Variants in LUZP2 observed in about 807,000 individuals in gnomAD.
LUZP2 encodes leucine zipper protein 2.
In LUZP2, 52 loss-of-function variants were observed where a neutral mutation model predicts 51.6. The ratio of observed to expected loss-of-function variants is 1.01; its 90% CI spans 0.81 to 1.27. The LOEUF is 1.27. Ranked by LOEUF, LUZP2 falls within the 50% of genes most tolerant of loss-of-function variation. The pLI, the probability that LUZP2 is intolerant of heterozygous loss-of-function variation, is 0.00. For synonymous variants in LUZP2, 154 were observed against 137.3 expected (o/e 1.12, Z -0.85); for missense variants, 436 against 395.4 (o/e 1.10, Z -0.87).
intron 1 of LUZP2, among the ~76,000 whole-genome samples, chr11:24,511,024 C>T (rs1850293343): frequency 6.6e-6 from 1 of 152,128 alleles, no homozygotes. Flanking sequence ...TCCCCATTTG[C>T]TAGTCTTAGT....
At chr11:24,568,472 C>A (rs1025398951) in intron 1 of LUZP2, among the ~76,000 whole-genome samples, 1 of 151,266 alleles carries the variant, frequency 6.6e-6, no homozygotes, top group Non-Finnish European at 1.5e-5. Context: ...AAAAATTAAT[C>A]TATTAGGCAG....
At chr11:24,734,864 G>A (rs1177261071) in intron 3 of LUZP2, among the ~76,000 whole-genome samples, 4 of 151,582 alleles carry the variant, frequency 2.6e-5, no homozygotes, top group South Asian at 2.1e-4. Context: ...TCACATCCCT[G>A]GCTCTCAATT....
At chr11:24,873,456 C>A (rs116130551) in intron 5 of LUZP2, among the ~76,000 whole-genome samples, 35 of 152,248 alleles carry the variant, frequency 2.3e-4, no homozygotes, top group African/African-American at 7.5e-4. Context: ...ATATGAAAAG[C>A]CTTGCTCAGT....
rs187301091 is a variant in LUZP2, at chr11:24,721,993, G to A, written c.63-7176G>A. Among the ~76,000 whole-genome samples the A allele has an allele frequency of 7.9e-5, 12 of 152,064 alleles. No individual in the cohort carries two copies. In the East Asian group the frequency reaches 2.1e-3, roughly 27 times the overall value. ...ATATAGAAACTGACATCTTTTTATT[G>A]AAAAAATTTATTTATAAAAAATGGC... is the stretch of plus-strand genomic sequence containing the variant. On this transcript the variant is annotated intron_variant, in intron 1 of 11. Coordinates refer to ENST00000336930, the MANE Select transcript of LUZP2 (RefSeq NM_001009909.4).
chr11:24,977,092 ATTTAC>A (rs2133905479), intron 8 of LUZP2, among the ~76,000 whole-genome samples: 1 of 151,884 alleles, frequency 6.6e-6, no homozygotes, highest in East Asian at 1.9e-4. Flanking sequence ...ACTTATCTAT[ATTTAC>A]TTAGAAACAT....
intron 9 of LUZP2, among the ~76,000 whole-genome samples, chr11:25,038,897 G>C (rs10834587): frequency 0.38 from 57,767 of 152,034 alleles, 13,337 homozygotes; most frequent in East Asian, 0.77. Context: ...GGTTTTGCAG[G>C]GGGTAGAATT....
intron 7 of LUZP2, among the ~76,000 whole-genome samples, chr11:24,953,756 A>G (rs1465461414): frequency 1.3e-5 from 2 of 152,022 alleles, no homozygotes; most frequent in Non-Finnish European, 2.9e-5. Context: ...TTCACTTGCT[A>G]ATTTGTTCAT....
chr11:24,808,190 G>C (rs12289355), intron 5 of LUZP2, among the ~76,000 whole-genome samples: 1 of 152,150 alleles, frequency 6.6e-6, no homozygotes, highest in Non-Finnish European at 1.5e-5. Flanking sequence ...AATAATTAAT[G>C]TAAGCGGATG....
chr11:24,542,774 G>C (rs1439127366), intron 1 of LUZP2, among the ~76,000 whole-genome samples: 1 of 151,930 alleles, frequency 6.6e-6, no homozygotes, highest in Non-Finnish European at 1.5e-5. Flanking sequence ...TTGAATGACT[G>C]TGTCACTTTT....
At position 25,014,290 on chromosome 11, in the gene LUZP2, C is replaced by G. The variant is rs369789487; in HGVS notation, c.765+30997C>G. 9.9e-5 allele frequency among the ~76,000 whole-genome samples: 15 copies of G among 152,258 alleles called. No individual in the cohort carries two copies. The South Asian group carries it at 2.1e-3, about 21-fold the overall frequency. ...AGTAATGGGATGGCTGAGTCAAATG[C>G]TATTTCTAGTTCTAGATCCCTGAGG... On this transcript the variant is annotated intron_variant, in intron 9 of 11. Coordinates refer to ENST00000336930, the MANE Select transcript of LUZP2 (RefSeq NM_001009909.4).
chr11:24,929,434 T>C (rs1302525297), intron 7 of LUZP2, among the ~76,000 whole-genome samples: 1 of 152,138 alleles, frequency 6.6e-6, no homozygotes, highest in Admixed American at 6.6e-5. Flanking sequence ...TATCATTCAG[T>C]TCAAAGAATT....
chr11:24,839,726 G>C (rs1850965920), intron 5 of LUZP2, among the ~76,000 whole-genome samples: 1 of 151,626 alleles, frequency 6.6e-6, no homozygotes, highest in African/African-American at 2.4e-5. Flanking sequence ...TTAAGATACA[G>C]AACACTCTCG....
chr11:24,635,796 C>T (rs1396256553), intron 1 of LUZP2, among the ~76,000 whole-genome samples: 1 of 152,088 alleles, frequency 6.6e-6, no homozygotes, highest in Non-Finnish European at 1.5e-5. Flanking sequence ...ACAGCGTTGA[C>T]TAAAAGTGGA....
At chr11:25,017,223 A>G (rs533682343) in intron 9 of LUZP2, among the ~76,000 whole-genome samples, 2 of 152,032 alleles carry the variant, frequency 1.3e-5, no homozygotes, top group East Asian at 3.9e-4. Context: ...TCTGAGTTTT[A>G]TGTTTACTCT....
At chr11:24,676,856 G>A (rs900243965) in intron 1 of LUZP2, among the ~76,000 whole-genome samples, 2 of 151,892 alleles carry the variant, frequency 1.3e-5, no homozygotes, top group Non-Finnish European at 2.9e-5. Context: ...TAGTAGAGAC[G>A]GGGTTTCTCC....
At chr11:24,662,308 T>A (rs4531473) in intron 1 of LUZP2, among the ~76,000 whole-genome samples, 2 of 151,786 alleles carry the variant, frequency 1.3e-5, no homozygotes, top group Non-Finnish European at 2.9e-5. Context: ...TTGTAGACCA[T>A]GAAAATTTCT....
chr11:25,025,498 C>T (rs1857464198), intron 9 of LUZP2, among the ~76,000 whole-genome samples: 1 of 152,186 alleles, frequency 6.6e-6, no homozygotes, highest in Admixed American at 6.6e-5. Context: ...TATGAACAGA[C>T]ACTTCTCAAA....
At chr11:24,632,650 A>G (rs145368799) in intron 1 of LUZP2, among the ~76,000 whole-genome samples, 29 of 152,190 alleles carry the variant, frequency 1.9e-4, no homozygotes, top group Non-Finnish European at 3.7e-4. Flanking sequence ...CCCAACAAAC[A>G]TTTAAAATAG....
At chr11:24,888,460 T>C (rs1852740994) in intron 5 of LUZP2, among the ~76,000 whole-genome samples, 1 of 152,146 alleles carries the variant, frequency 6.6e-6, no homozygotes, top group Non-Finnish European at 1.5e-5. Flanking sequence ...GCAAATATGA[T>C]ATTTTAAGTT....
Sources: gnomAD v4.1 joint callset for allele counts (sites outside exome capture counted in the v4.1 genomes callset) on GRCh38, gnomAD v4.1.1 for gene constraint, MANE v1.5 for transcripts, NCBI Gene and HGNC (gene_info 2026-07-23, HGNC 2026-07-21) for gene names.